The following GRB2 variants were observed in gnomAD, a reference collection of about 807,000 sequenced individuals.
The protein encoded by GRB2 is growth factor receptor-bound protein 2.
GRB2 carries 2 observed loss-of-function variants against 27.4 expected under a neutral mutation model. That is an observed-to-expected ratio of 0.07 (90% CI 0.03 to 0.23). The LOEUF (loss-of-function observed/expected upper bound fraction) is 0.23. Among genes scored for constraint, GRB2 ranks in the 10% least tolerant of loss-of-function variants. The pLI is 1.00. For missense variants in GRB2, 102 were observed against 282.4 expected (o/e 0.36, Z 4.58); for synonymous variants, 94 against 99.6 (o/e 0.94, Z 0.33).
intron 2 of GRB2, among the ~76,000 whole-genome samples, chr17:75,358,409 A>G (rs1167213273): frequency 6.6e-6 from 1 of 152,042 alleles, no homozygotes; most frequent in East Asian, 1.9e-4. Context: ...TTAAATTCCA[A>G]TTTAAGTTGC....
In GRB2 at chr17:75,368,798, G is replaced by A. The variant is rs368109099; in HGVS notation, c.78+24753C>T. Among the ~76,000 whole-genome samples the A allele has an allele frequency of 3.3e-5, 5 of 150,944 alleles. No homozygotes were observed. The East Asian group carries it at 5.9e-4, about 18-fold the overall frequency. ...TCGGCTCAAATGATTCTCCTGCCTCGGTCTCCCAAAGTGCTGGGATTATAG... is the reference window on the plus strand; with the variant it reads ...TCGGCTCAAATGATTCTCCTGCCTCAGTCTCCCAAAGTGCTGGGATTATAG... On this transcript the variant is annotated intron_variant, in intron 2 of 5. Coordinates refer to ENST00000316804, the MANE Select transcript of GRB2 (RefSeq NM_002086.5).
At chr17:75,404,695 A>C (rs1157309719) in intron 1 of GRB2, 1 of 152,254 alleles carries the variant, frequency 6.6e-6, no homozygotes, top group Non-Finnish European at 1.5e-5. Context: ...AATTTCTCTC[A>C]TGTGTCTGAC....
intron 2 of GRB2, among the ~76,000 whole-genome samples, chr17:75,358,494 G>C (rs573733984): frequency 6.6e-6 from 1 of 152,010 alleles, no homozygotes; most frequent in South Asian, 2.1e-4. Context: ...TGAGTGGTTA[G>C]CTCTGTATAT....
At chr17:75,343,355 C>G (rs1434336272) in intron 2 of GRB2, among the ~76,000 whole-genome samples, 1 of 151,960 alleles carries the variant, frequency 6.6e-6, no homozygotes, top group Non-Finnish European at 1.5e-5. Context: ...TTTGATTCAC[C>G]CACTGACCAG....
In GRB2 at chr17:75,339,167, T is replaced by C. The variant is rs553938978; in HGVS notation, c.79-6370A>G. Reference sequence around the variant, plus strand: ...TTCTAAGTGTCATCTTTTGTTTTATTATGAAGACAATAAAATCCTGAGTTT... The same window carrying C: ...TTCTAAGTGTCATCTTTTGTTTTATCATGAAGACAATAAAATCCTGAGTTT... On this transcript the variant is annotated intron_variant, in intron 2 of 5. Transcript: ENST00000316804. The C allele has an allele frequency of 3.1e-3, 3,349 of 1,065,500 alleles. 66 individuals are homozygous for C. Among genetic ancestry groups the C allele is most frequent in the South Asian group, 0.029 (2,282 of 78,340 alleles). 66.0% of individuals were successfully genotyped at this position (1,065,500 alleles called of 1,614,324 possible). A position where few individuals can be genotyped will look rare whatever the true frequency, so the allele number is the denominator to read the frequency against.
At chr17:75,330,337 G>A (rs145637989) in intron 3 of GRB2, among the ~76,000 whole-genome samples, 2 of 151,896 alleles carry the variant, frequency 1.3e-5, no homozygotes, top group Admixed American at 6.6e-5. Flanking sequence ...AGCCGAGATC[G>A]CGCCACAGCA....
chr17:75,347,409 C>T (rs1435588770), intron 2 of GRB2, among the ~76,000 whole-genome samples: 1 of 152,138 alleles, frequency 6.6e-6, no homozygotes, highest in Non-Finnish European at 1.5e-5. Context: ...TCTACACTGC[C>T]ATGCCCATCT....
chr17:75,320,768 T>TTAAA lies in GRB2; in HGVS notation c.469-216_469-215insTTTA, dbSNP rs1430579736. ...GTGATATTTCCCAGTGCTCAGAAAATATTAGAGTATGTCTCCCAGAGGAGG... is the reference window on the plus strand; with the variant it reads ...GTGATATTTCCCAGTGCTCAGAAAATTAAAATTAGAGTATGTCTCCCAGAGGAGG... On this transcript the variant is annotated intron_variant, in intron 5 of 5. Transcript: ENST00000316804. This position sits in a 1 kb window ranked among gnomAD's most constrained non-coding sequence, Gnocchi z 4.3. 1.3e-5 allele frequency among the ~76,000 whole-genome samples: 2 copies of TTAAA among 151,912 alleles called. No homozygotes were observed. The highest frequency in any genetic ancestry group is 1.3e-4 in the Admixed American group (2 of 15,224).
intron 2 of GRB2, among the ~76,000 whole-genome samples, chr17:75,344,855 A>AC (rs1180788469): frequency 0.01 from 1,448 of 144,212 alleles, 12 homozygotes; most frequent in African/African-American, 0.021. Context: ...CCCCCTCCCA[A>AC]CCCCCCCGCC....
At chr17:75,390,806 G>A (rs886309435) in intron 2 of GRB2, among the ~76,000 whole-genome samples, 4 of 152,126 alleles carry the variant, frequency 2.6e-5, no homozygotes, top group African/African-American at 9.7e-5. Flanking sequence ...TGAAGGCTAA[G>A]TGCCTATTTC....
chr17:75,393,334 T>A lies in GRB2; in HGVS notation c.78+217A>T. The A allele has an allele frequency of 5.2e-6, 3 of 579,754 alleles. No homozygotes were observed. In the South Asian group the frequency reaches 6.4e-5, roughly 12 times the overall value. The allele number at this position is 579,754 out of a possible 1,614,324, so 35.9% of individuals were successfully genotyped here. A position where few individuals can be genotyped will look rare whatever the true frequency, so the allele number is the denominator to read the frequency against. ...CCAGTATCAACAGACAAATGAGGCA[T>A]TCACACAAAGGCAGTTAAACACCAC... is the stretch of plus-strand genomic sequence containing the variant. On this transcript the variant is annotated intron_variant, in intron 2 of 5. Transcript: ENST00000316804.
intron 2 of GRB2, among the ~76,000 whole-genome samples, chr17:75,377,953 C>T (rs192771591): frequency 1.2e-4 from 18 of 152,276 alleles, no homozygotes; most frequent in Middle Eastern, 3.4e-3. Flanking sequence ...AAACATCTTT[C>T]ACCTTGTGAC....
intron 2 of GRB2, among the ~76,000 whole-genome samples, chr17:75,336,407 A>G (rs2078577153): frequency 1.3e-5 from 2 of 152,214 alleles, no homozygotes; most frequent in African/African-American, 4.8e-5. Flanking sequence ...AGCTGCTTGT[A>G]ACCTATTTGT....
intron 2 of GRB2, among the ~76,000 whole-genome samples, chr17:75,390,418 C>A (rs533980997): frequency 6.6e-6 from 1 of 152,276 alleles, no homozygotes; most frequent in East Asian, 1.9e-4. Context: ...ACCTCTGGGA[C>A]TGTCTCAAGC....
At chr17:75,323,508 G>A (rs1375203148) in intron 4 of GRB2, among the ~76,000 whole-genome samples, 1 of 152,164 alleles carries the variant, frequency 6.6e-6, no homozygotes, top group Admixed American at 6.6e-5. Flanking sequence ...TCTGACAACT[G>A]TTGATTCTTG....
chr17:75,358,127 A>ATTCC (rs1567866192), intron 2 of GRB2, among the ~76,000 whole-genome samples: 1 of 152,148 alleles, frequency 6.6e-6, no homozygotes, highest in Non-Finnish European at 1.5e-5. Flanking sequence ...ATGTTAGTCA[A>ATTCC]AGGTGAGCTC....
chr17:75,391,137 T>G (rs1182871661), intron 2 of GRB2, among the ~76,000 whole-genome samples: 1 of 149,596 alleles, frequency 6.7e-6, no homozygotes, highest in East Asian at 1.9e-4. Context: ...ATCGTCACTC[T>G]TTTTTTTTTC....
intron 2 of GRB2, among the ~76,000 whole-genome samples, chr17:75,383,358 C>G (rs2078942116): frequency 6.6e-6 from 1 of 152,174 alleles, no homozygotes; most frequent in African/African-American, 2.4e-5. Flanking sequence ...TGGGACAGGG[C>G]TGGAACAGTT....
intron 2 of GRB2, among the ~76,000 whole-genome samples, chr17:75,338,315 T>C (rs1284105721): frequency 1.1e-4 from 16 of 152,110 alleles, no homozygotes; most frequent in Admixed American, 1.0e-3. Context: ...TCTGCCCACC[T>C]TGGCCTCCCA....
Sources: gnomAD v4.1 joint callset for allele counts (sites outside exome capture counted in the v4.1 genomes callset) on GRCh38, gnomAD v4.1.1 for gene constraint, Gnocchi (gnomAD v3.1) non-coding constraint, MANE v1.5 for transcripts, NCBI Gene and HGNC (gene_info 2026-07-23, HGNC 2026-07-21) for gene names.